The following UBE4B variants were observed in gnomAD, a reference collection of about 807,000 sequenced individuals.
UBE4B encodes the protein ubiquitination factor E4B.
UBE4B carries 27 observed loss-of-function variants against 148.1 expected under a neutral mutation model. That is an observed-to-expected ratio of 0.18 (90% confidence interval 0.13 to 0.25). UBE4B has a LOEUF of 0.25. Ranked by LOEUF, UBE4B falls within the 10% of genes least tolerant of loss-of-function variation. The probability of loss-of-function intolerance (pLI) is 1.00; values close to 1 mark genes in which losing one functional copy is unlikely to be tolerated. For missense variants in UBE4B, 1,170 were observed against 1,662.4 expected (o/e 0.70, Z 5.15); for synonymous variants, 596 against 619.3 (o/e 0.96, Z 0.56).
chr1:10,171,708 C>T (rs1373342044), intron 25 of UBE4B, among the ~76,000 whole-genome samples: 1 of 152,240 alleles, frequency 6.6e-6, no homozygotes, highest in African/African-American at 2.4e-5. Context: ...GGTGAAACCC[C>T]ATCTCTACTA....
intron 21 of UBE4B, among the ~76,000 whole-genome samples, chr1:10,156,896 T>A (rs1011027710): frequency 6.6e-6 from 1 of 152,114 alleles, no homozygotes; most frequent in African/African-American, 2.4e-5. Context: ...AGACAAGGTA[T>A]AGTGGCTCAC....
chr1:10,176,921 G>T (rs1646437408), intron 25 of UBE4B, among the ~76,000 whole-genome samples: 1 of 151,412 alleles, frequency 6.6e-6, no homozygotes, highest in Non-Finnish European at 1.5e-5. Flanking sequence ...AAATAGCTGG[G>T]ACTACAGGCG....
intron 1 of UBE4B, among the ~76,000 whole-genome samples, chr1:10,040,001 G>A (rs1356121079): frequency 6.6e-6 from 1 of 152,072 alleles, no homozygotes; most frequent in African/African-American, 2.4e-5. Flanking sequence ...TAGCTGTGAA[G>A]GAGGGGAGGG....
Position 10,033,681 on chromosome 1 carries a change from T to C in UBE4B, c.11T>C (p.Leu4Pro). The C allele has an allele frequency of 6.4e-7, 1 of 1,570,464 alleles. No homozygotes were observed. Residue 4 changes from leucine to proline, a missense_variant, in exon 1 of 28, where the codon CTG becomes CCG. Physicochemically the swap from Leu to Pro is moderately conservative, Grantham distance 98 (BLOSUM62 -3). Around this residue, in one of 6 missense-constraint regions of UBE4B, gnomAD observed 127 missense variants for 153.2 expected, o/e 0.83. Coordinates refer to ENST00000343090, the MANE Select transcript of UBE4B (RefSeq NM_001105562.3). ...ATTAAGAGGAAAGCGATGGAGGAGC[T>C]GAGCGCTGATGAGGTGAGGAGGTTG... MEE[L>P]SADEIRRRRL... is the part of the protein sequence containing the mutation.
chr1:10,066,742 C>T (rs1644394189), intron 1 of UBE4B, among the ~76,000 whole-genome samples: 2 of 151,918 alleles, frequency 1.3e-5, no homozygotes, highest in Non-Finnish European at 2.9e-5. Flanking sequence ...CTCGACTCTA[C>T]TAAAAATACA....
chr1:10,056,971 A>G (rs1570793892), intron 1 of UBE4B, among the ~76,000 whole-genome samples: 1 of 148,940 alleles, frequency 6.7e-6, no homozygotes, highest in South Asian at 2.1e-4. Context: ...GTGCCACCAC[A>G]CCTGGCTCAT....
chr1:10,155,749 G>A (rs1239380772), intron 21 of UBE4B, among the ~76,000 whole-genome samples: 2 of 152,350 alleles, frequency 1.3e-5, no homozygotes, highest in South Asian at 2.1e-4. Context: ...TAGGCTGGGC[G>A]TGGTGGCTCA....
Position 10,035,719 on chromosome 1 carries a change from T to A in UBE4B, c.24+2025T>A, listed in dbSNP as rs113765259. 9.0e-3 allele frequency among the ~76,000 whole-genome samples: 1,315 copies of A among 146,118 alleles called. 13 individuals are homozygous for A. The highest frequency in any genetic ancestry group is 0.015 in the Middle Eastern group (4 of 274). ...CCGTGACCGGCCAGAGATAGTTTTT[T>A]TATTTTTTTTTATTTTTTATTTATT... On this transcript the variant is annotated intron_variant, in intron 1 of 27. Transcript: ENST00000343090.
At chr1:10,149,411 C>T in intron 20 of UBE4B, 129 bp downstream of exon 20, 1 of 655,932 alleles carries the variant, frequency 1.5e-6, no homozygotes, top group Non-Finnish European at 2.4e-6. Flanking sequence ...TGAATGCTGC[C>T]TAGAGACTGG....
chr1:10,170,901 A>G (rs1211596115), intron 24 of UBE4B: 3 of 354,632 alleles, frequency 8.5e-6, no homozygotes, highest in Non-Finnish European at 9.9e-6. Context: ...TGGTATTTAT[A>G]AATAAATATT....
chr1:10,122,508 CT>C (rs1468433477), intron 10 of UBE4B, among the ~76,000 whole-genome samples: 1 of 152,228 alleles, frequency 6.6e-6, no homozygotes, highest in Non-Finnish European at 1.5e-5. Flanking sequence ...CATATAGAAT[CT>C]TTGTCTTCTT....
intron 1 of UBE4B, among the ~76,000 whole-genome samples, chr1:10,058,155 T>G (rs1358331454): frequency 6.6e-6 from 1 of 152,146 alleles, no homozygotes; most frequent in African/African-American, 2.4e-5. Flanking sequence ...ACTAGATACT[T>G]TAGGGTTTTG....
At chr1:10,144,006 G>A (rs1263633771) in intron 17 of UBE4B, among the ~76,000 whole-genome samples, 11 of 152,226 alleles carry the variant, frequency 7.2e-5, no homozygotes, top group African/African-American at 1.7e-4. Context: ...TCTAGGAAAT[G>A]TAGCTTTTGG....
rs139245520 is a variant in UBE4B, at chr1:10,088,046, T to A, written c.212-7415T>A. 5.9e-5 allele frequency among the ~76,000 whole-genome samples: 9 copies of A among 152,326 alleles called. 1 individual carries two copies. In the East Asian group the frequency reaches 9.7e-4, roughly 16 times the overall value. On this transcript the variant is annotated intron_variant, in intron 2 of 27. Coordinates refer to ENST00000343090, the MANE Select transcript of UBE4B (RefSeq NM_001105562.3). The stretch of plus-strand genomic sequence containing the variant: ...ACCATGGGAGCTCTTTCAAGTTGGA[T>A]CCTTGGTCCATTTGACATGCCTCTT...
At position 10,084,522 on chromosome 1, in the gene UBE4B, G is replaced by A. The variant is rs148941818; in HGVS notation, c.212-10939G>A. 2.1e-3 allele frequency among the ~76,000 whole-genome samples: 326 copies of A among 151,748 alleles called. 4 individuals carry two copies. Among genetic ancestry groups the A allele is most frequent in the African/African-American group, 7.5e-3 (312 of 41,392 alleles). ...TCTTAGTTTTGGGTGCATTTGTCTG[G>A]TCTTCCAAACTAGATTGAAAGCTCT... is the stretch of plus-strand genomic sequence containing the variant. On this transcript the variant is annotated intron_variant, in intron 2 of 27. Transcript: ENST00000343090.
At chr1:10,088,996 G>A (rs933870776) in intron 2 of UBE4B, among the ~76,000 whole-genome samples, 13 of 151,946 alleles carry the variant, frequency 8.6e-5, no homozygotes, top group Non-Finnish European at 4.4e-5. Flanking sequence ...TTTTTGTTTA[G>A]TCACAAGAAC....
At chr1:10,125,429 A>G (rs1340610200) in intron 10 of UBE4B, among the ~76,000 whole-genome samples, 2 of 152,246 alleles carry the variant, frequency 1.3e-5, no homozygotes, top group Non-Finnish European at 2.9e-5. Context: ...TATTGCAGAA[A>G]CCATAGAATG....
chr1:10,134,131 G>A (rs917543893), intron 15 of UBE4B, among the ~76,000 whole-genome samples: 1 of 152,096 alleles, frequency 6.6e-6, no homozygotes, highest in Non-Finnish European at 1.5e-5. Context: ...TCACTTCAGG[G>A]TCTCTGAGTC....
intron 2 of UBE4B, among the ~76,000 whole-genome samples, chr1:10,094,523 TC>T (rs1644898925): frequency 6.7e-6 from 1 of 149,730 alleles, no homozygotes; most frequent in African/African-American, 2.5e-5. Flanking sequence ...AACCTCCGCC[TC>T]CCGGGTTCAA....
Sources: allele counts gnomAD v4.1 joint callset (sites outside exome capture counted in the v4.1 genomes callset), GRCh38; gene constraint gnomAD v4.1.1; regional missense constraint gnomAD v4.1.1; transcripts MANE v1.5; gene names NCBI Gene and HGNC (gene_info 2026-07-23, HGNC 2026-07-21).